The following ZNF385B variants were observed in gnomAD, a reference collection of about 807,000 sequenced individuals.
The protein encoded by ZNF385B is zinc finger protein 385B, also known as zinc finger protein 533.
ZNF385B carries 23 observed loss-of-function variants against 39.2 expected under a neutral mutation model. The ratio of observed to expected loss-of-function variants is 0.59; its 90% CI spans 0.42 to 0.83. The LOEUF is 0.83. Ranked by LOEUF, ZNF385B falls within the 40% of genes least tolerant of loss-of-function variation. The probability of loss-of-function intolerance (pLI) is 0.00; values close to 1 mark genes in which losing one functional copy is unlikely to be tolerated. For synonymous variants in ZNF385B, 205 were observed against 222.6 expected (o/e 0.92, Z 0.70); for missense variants, 552 against 598.9 (o/e 0.92, Z 0.82).
At chr2:179,628,952 AC>A (rs1456366115) in intron 3 of ZNF385B, among the ~76,000 whole-genome samples, 1 of 152,152 alleles carries the variant, frequency 6.6e-6, no homozygotes, top group Non-Finnish European at 1.5e-5. Context: ...CTTTTTTAAA[AC>A]TTTTTGCTAT....
intron 3 of ZNF385B, among the ~76,000 whole-genome samples, chr2:179,566,329 C>A (rs1435848389): frequency 1.3e-5 from 2 of 152,152 alleles, no homozygotes; most frequent in African/African-American, 4.8e-5. Flanking sequence ...CTTAATTAAC[C>A]TGCAGGACAG....
intron 1 of ZNF385B, among the ~76,000 whole-genome samples, chr2:179,821,283 T>A (rs112739026): frequency 6.6e-6 from 1 of 152,170 alleles, no homozygotes; most frequent in Admixed American, 6.5e-5. Flanking sequence ...GTTGAAAAGA[T>A]CTTTGTGAGT....
chr2:179,735,914 G>A (rs937924336), intron 3 of ZNF385B, among the ~76,000 whole-genome samples: 3 of 149,134 alleles, frequency 2.0e-5, no homozygotes, highest in Non-Finnish European at 3.0e-5. Flanking sequence ...GATAGCATTG[G>A]GAGATATACC....
chr2:179,630,373 C>A (rs181217109), intron 3 of ZNF385B, among the ~76,000 whole-genome samples: 1 of 152,226 alleles, frequency 6.6e-6, no homozygotes, highest in Non-Finnish European at 1.5e-5. Flanking sequence ...GATACCCAGA[C>A]AAACAGTGTC....
chr2:179,856,658 G>C (rs1684627782), intron 1 of ZNF385B, among the ~76,000 whole-genome samples: 1 of 148,616 alleles, frequency 6.7e-6, no homozygotes, highest in Non-Finnish European at 1.5e-5. Flanking sequence ...AGCAGAGTGG[G>C]AAAGGAGAAC....
At chr2:179,584,369 G>A (rs10189196) in intron 3 of ZNF385B, among the ~76,000 whole-genome samples, 22,866 of 152,024 alleles carry the variant, frequency 0.15, 1,991 homozygotes, top group East Asian at 0.24. Flanking sequence ...CTGCTGCAAT[G>A]CAGTATAAAA....
intron 3 of ZNF385B, among the ~76,000 whole-genome samples, chr2:179,594,771 A>T (rs147244192): frequency 6.6e-6 from 1 of 150,378 alleles, no homozygotes; most frequent in African/African-American, 2.4e-5. Context: ...ATACCAAGCC[A>T]TTGTCTCAGT....
At chr2:179,446,415 G>A in intron 7 of ZNF385B, 110 bp downstream of exon 7, 2 of 1,413,372 alleles carry the variant, frequency 1.4e-6, no homozygotes, top group Non-Finnish European at 1.9e-6. Flanking sequence ...CAAAAAAGTA[G>A]AGAAGCATGG....
At chr2:179,712,683 C>G (rs1700080094) in intron 3 of ZNF385B, among the ~76,000 whole-genome samples, 1 of 152,176 alleles carries the variant, frequency 6.6e-6, no homozygotes, top group Non-Finnish European at 1.5e-5. Context: ...GGCTTCGTAT[C>G]TGATGTACTA....
chr2:179,742,531 G>T (rs1353909320), intron 3 of ZNF385B, among the ~76,000 whole-genome samples: 1 of 151,908 alleles, frequency 6.6e-6, no homozygotes, highest in Non-Finnish European at 1.5e-5. Flanking sequence ...ATTTAACTCA[G>T]AGTTCGATAT....
At chr2:179,466,233 T>C (rs183386033) in intron 6 of ZNF385B, among the ~76,000 whole-genome samples, 1 of 152,342 alleles carries the variant, frequency 6.6e-6, no homozygotes, top group Admixed American at 6.5e-5. Flanking sequence ...CACATTCCTT[T>C]GTGGCAGGTC....
intron 1 of ZNF385B, among the ~76,000 whole-genome samples, chr2:179,788,669 A>G (rs1420355755): frequency 1.3e-5 from 2 of 152,192 alleles, no homozygotes; most frequent in African/African-American, 4.8e-5. Flanking sequence ...CAAAGACTCA[A>G]TATCAGAGCA....
chr2:179,576,129 CA>C (rs1685785344), intron 3 of ZNF385B: 1 of 985,244 alleles, frequency 1.0e-6, no homozygotes, highest in East Asian at 1.1e-4. Context: ...TGTAACCCTC[CA>C]AAACGTCTCA....
At chr2:179,601,286 G>A (rs1417361763) in intron 3 of ZNF385B, among the ~76,000 whole-genome samples, 2 of 152,160 alleles carry the variant, frequency 1.3e-5, no homozygotes, top group African/African-American at 4.8e-5. Flanking sequence ...GGTGAAGCAA[G>A]AATGAGATTT....
At chr2:179,775,434 T>C (rs897590016) in intron 1 of ZNF385B, among the ~76,000 whole-genome samples, 3 of 152,234 alleles carry the variant, frequency 2.0e-5, no homozygotes, top group African/African-American at 7.2e-5. Flanking sequence ...CAAAATACTT[T>C]GAACTTCTTA....
intron 3 of ZNF385B, among the ~76,000 whole-genome samples, chr2:179,611,422 A>AT (rs57879701): frequency 0.93 from 142,176 of 152,216 alleles, 66,487 homozygotes; most frequent in East Asian, 1. Context: ...AATTTTTATC[A>AT]TTGTCATTGA....
At chr2:179,544,391 A>G (rs543927539) in intron 4 of ZNF385B, among the ~76,000 whole-genome samples, 10 of 152,246 alleles carry the variant, frequency 6.6e-5, no homozygotes, top group African/African-American at 2.2e-4. Flanking sequence ...TAGGATTCAC[A>G]TTTTATCTAA....
intron 1 of ZNF385B, among the ~76,000 whole-genome samples, chr2:179,787,585 G>C (rs1371298670): frequency 6.6e-6 from 1 of 152,112 alleles, no homozygotes; most frequent in Admixed American, 6.6e-5. Context: ...ATCGGGAAGG[G>C]GGAAGATAAT....
At chr2:179,818,620 A>G (rs959146489) in intron 1 of ZNF385B, among the ~76,000 whole-genome samples, 2 of 152,170 alleles carry the variant, frequency 1.3e-5, no homozygotes, top group Non-Finnish European at 2.9e-5. Flanking sequence ...CAGCTTTCAA[A>G]ACTAAGTACC....
Sources: allele counts gnomAD v4.1 joint callset (sites outside exome capture counted in the v4.1 genomes callset), GRCh38; gene constraint gnomAD v4.1.1; transcripts MANE v1.5; gene names NCBI Gene and HGNC (gene_info 2026-07-23, HGNC 2026-07-21).